GALNT17: variants seen among roughly 807,000 people sequenced by gnomAD.
GALNT17 encodes polypeptide N-acetylgalactosaminyltransferase 17.
In GALNT17, 29 loss-of-function variants were observed where a neutral mutation model predicts 63.7. That is an observed-to-expected ratio of 0.46 (90% CI 0.34 to 0.62). The LOEUF (loss-of-function observed/expected upper bound fraction) is 0.62. GALNT17 is among the 20% of genes least tolerant of loss of function. The pLI is 0.01. For synonymous variants in GALNT17, 305 were observed against 318.3 expected (o/e 0.96, Z 0.45); for missense variants, 603 against 799.6 (o/e 0.75, Z 2.97).
At chr7:71,600,859 A>G (rs1002800608) in intron 6 of GALNT17, among the ~76,000 whole-genome samples, 6 of 151,868 alleles carry the variant, frequency 4.0e-5, no homozygotes, top group Non-Finnish European at 7.4e-5. Flanking sequence ...TGGTGCACCC[A>G]TCACCCAAGC....
chr7:71,601,163 A>C (rs1039937573), intron 6 of GALNT17, among the ~76,000 whole-genome samples: 3 of 151,814 alleles, frequency 2.0e-5, no homozygotes, highest in South Asian at 2.1e-4. Flanking sequence ...TATCTACCAC[A>C]GTTTCTTTAT....
At chr7:71,169,931 T>C (rs1788513967) in intron 1 of GALNT17, among the ~76,000 whole-genome samples, 1 of 152,100 alleles carries the variant, frequency 6.6e-6, no homozygotes, top group Non-Finnish European at 1.5e-5. Context: ...CCAGAGTCCC[T>C]TTCTTAGTAT....
At chr7:71,303,511 C>T (rs557688857) in intron 1 of GALNT17, among the ~76,000 whole-genome samples, 1 of 152,152 alleles carries the variant, frequency 6.6e-6, no homozygotes, top group African/African-American at 2.4e-5. Flanking sequence ...GGATGAGGGC[C>T]ATTTGAATAG....
intron 1 of GALNT17, among the ~76,000 whole-genome samples, chr7:71,145,797 C>T (rs1176789378): frequency 6.6e-6 from 1 of 152,198 alleles, no homozygotes. Context: ...CCTTCACCTC[C>T]TGGGTTCAAA....
intron 9 of GALNT17, among the ~76,000 whole-genome samples, chr7:71,683,109 C>T (rs1043066131): frequency 3.3e-5 from 5 of 152,126 alleles, no homozygotes; most frequent in African/African-American, 9.7e-5. Flanking sequence ...TGATTTAGAA[C>T]GGCAAACCGG....
At chr7:71,297,359 CATG>C (rs1477440326) in intron 1 of GALNT17, among the ~76,000 whole-genome samples, 3 of 152,200 alleles carry the variant, frequency 2.0e-5, no homozygotes, top group Non-Finnish European at 4.4e-5. Flanking sequence ...GCCTGACCAA[CATG>C]ATGAAACCCT....
intron 5 of GALNT17, among the ~76,000 whole-genome samples, chr7:71,517,616 G>C (rs546552862): frequency 4.6e-5 from 7 of 152,130 alleles, no homozygotes; most frequent in Admixed American, 3.9e-4. Flanking sequence ...TATTAGATTA[G>C]ACATCACTAC....
intron 3 of GALNT17, among the ~76,000 whole-genome samples, chr7:71,407,628 G>A (rs906789284): frequency 3.3e-5 from 5 of 151,968 alleles, no homozygotes; most frequent in African/African-American, 1.2e-4. Flanking sequence ...CATCCTTGTA[G>A]TCCCAGCTAC....
chr7:71,327,933 C>G (rs1419280967), intron 1 of GALNT17, among the ~76,000 whole-genome samples: 1 of 152,108 alleles, frequency 6.6e-6, no homozygotes, highest in African/African-American at 2.4e-5. Context: ...ACCTCTCTCT[C>G]TTTCCATCCA....
Position 71,540,611 on chromosome 7 carries a change from G to GT in GALNT17, c.963-30665dup, listed in dbSNP as rs367581278. The stretch of plus-strand genomic sequence containing the variant: ...CTGATGGACACTAGGGTTTTGTGTT[G>GT]TTTTTTTTTCCAACAAATGAAGCAA... On this transcript the variant is annotated intron_variant, in intron 5 of 10. Transcript: ENST00000333538. Among the ~76,000 whole-genome samples the GT allele has an allele frequency of 9.8e-3, 1,483 of 150,566 alleles. 18 individuals are homozygous for GT. Among genetic ancestry groups the GT allele is most frequent in the South Asian group, 0.039 (184 of 4,720 alleles).
At chr7:71,274,557 G>C (rs555635355) in intron 1 of GALNT17, among the ~76,000 whole-genome samples, 7 of 152,326 alleles carry the variant, frequency 4.6e-5, no homozygotes, top group Non-Finnish European at 7.4e-5. Context: ...TGGGTTGGCA[G>C]ATGTGAGCCA....
intron 1 of GALNT17, among the ~76,000 whole-genome samples, chr7:71,223,561 A>T (rs79418410): frequency 0.027 from 4,101 of 151,990 alleles, 184 homozygotes; most frequent in African/African-American, 0.092. Context: ...TTTTAAAAAA[A>T]CTTTTATTTT....
chr7:71,471,420 AAAAC>A (rs370597451), intron 5 of GALNT17, among the ~76,000 whole-genome samples: 2,709 of 120,776 alleles, frequency 0.022, 35 homozygotes, highest in Middle Eastern at 0.042. Context: ...AAAAACAAAA[AAAAC>A]CAAAAACCAT....
At chr7:71,574,932 C>A (rs1287798375) in intron 6 of GALNT17, among the ~76,000 whole-genome samples, 1 of 152,142 alleles carries the variant, frequency 6.6e-6, no homozygotes, top group Non-Finnish European at 1.5e-5. Flanking sequence ...CTCCAGGTGC[C>A]CTTCCATGGC....
chr7:71,284,912 A>G (rs1006126900), intron 1 of GALNT17, among the ~76,000 whole-genome samples: 1 of 151,828 alleles, frequency 6.6e-6, no homozygotes, highest in African/African-American at 2.4e-5. Context: ...TAAGTGAGTT[A>G]ACTGATGGGT....
At chr7:71,211,567 A>G (rs951432234) in intron 1 of GALNT17, among the ~76,000 whole-genome samples, 1 of 152,222 alleles carries the variant, frequency 6.6e-6, no homozygotes, top group Non-Finnish European at 1.5e-5. Context: ...ATTGGGTAAC[A>G]GGGAGAGATT....
At chr7:71,363,120 C>T (rs900490743) in intron 2 of GALNT17, among the ~76,000 whole-genome samples, 4 of 152,064 alleles carry the variant, frequency 2.6e-5, no homozygotes, top group African/African-American at 9.7e-5. Context: ...GCACGCACCA[C>T]GATGCCTGGC....
At chr7:71,334,593 TA>T (rs1791866000) in intron 1 of GALNT17, among the ~76,000 whole-genome samples, 1 of 152,136 alleles carries the variant, frequency 6.6e-6, no homozygotes, top group East Asian at 1.9e-4. Context: ...CTCCAGGATT[TA>T]AAAATTGCCC....
intron 1 of GALNT17, among the ~76,000 whole-genome samples, chr7:71,218,037 A>C (rs571244437): frequency 6.6e-6 from 1 of 152,290 alleles, no homozygotes; most frequent in East Asian, 1.9e-4. Flanking sequence ...TGCAACTTTC[A>C]AAACATTTTC....
Sources: allele counts gnomAD v4.1 joint callset (sites outside exome capture counted in the v4.1 genomes callset), GRCh38; gene constraint gnomAD v4.1.1; transcripts MANE v1.5; gene names NCBI Gene and HGNC (gene_info 2026-07-23, HGNC 2026-07-21).